The following EPB41 variants were observed in gnomAD, a reference collection of about 807,000 sequenced individuals.
EPB41 encodes the protein protein 4.1.
Under a neutral mutation model 108.0 loss-of-function variants are expected in EPB41, and 65 were observed. That is an observed-to-expected ratio of 0.60 (90% CI 0.49 to 0.74). The LOEUF (loss-of-function observed/expected upper bound fraction) is 0.74. Among genes scored for constraint, EPB41 ranks in the 30% least tolerant of loss-of-function variants. The probability of loss-of-function intolerance (pLI) is 0.00; values close to 1 mark genes in which losing one functional copy is unlikely to be tolerated. For synonymous variants in EPB41, 336 were observed against 358.9 expected, an observed-to-expected ratio of 0.94 and a Z score of 0.72; for missense variants, 875 against 1,037.0, an observed-to-expected ratio of 0.84 and a Z score of 2.15.
intron 7 of EPB41, among the ~76,000 whole-genome samples, chr1:29,029,041 C>CAAAAAAAA (rs34636821): frequency 8.1e-6 from 1 of 123,686 alleles, no homozygotes; most frequent in Non-Finnish European, 1.7e-5. Context: ...GACCCTGTCT[C>CAAAAAAAA]AAAAAAAAAA....
intron 16 of EPB41, among the ~76,000 whole-genome samples, chr1:29,079,035 G>A (rs141448627): frequency 4.0e-5 from 6 of 148,796 alleles, no homozygotes; most frequent in African/African-American, 1.2e-4. Flanking sequence ...CGCTCTTGTT[G>A]CCCAGGCTGG....
intron 12 of EPB41, among the ~76,000 whole-genome samples, chr1:29,056,938 A>G (rs1364590444): frequency 6.6e-6 from 1 of 152,228 alleles, no homozygotes; most frequent in East Asian, 1.9e-4. Context: ...TAAGCTTTGT[A>G]AAATAATTTA....
intron 1 of EPB41, among the ~76,000 whole-genome samples, chr1:28,960,008 T>C (rs979677722): frequency 2.0e-5 from 3 of 148,974 alleles, no homozygotes; most frequent in African/African-American, 7.4e-5. Context: ...TTTCTTTTTT[T>C]TTTTTTTTTG....
intron 1 of EPB41, among the ~76,000 whole-genome samples, chr1:28,923,110 TC>T (rs148983190): frequency 0.11 from 8,860 of 78,112 alleles, 575 homozygotes; most frequent in East Asian, 0.42. Flanking sequence ...TCTTTTCTTT[TC>T]TTTTTTTTTT....
At chr1:29,094,032 A>G (rs781127192) in intron 16 of EPB41, among the ~76,000 whole-genome samples, 4 of 152,162 alleles carry the variant, frequency 2.6e-5, no homozygotes, top group Non-Finnish European at 4.4e-5. Flanking sequence ...ACTTTTGTAT[A>G]TGGTATAAGG....
At chr1:29,012,144 G>A (rs1283310847) in intron 5 of EPB41, among the ~76,000 whole-genome samples, 2 of 151,838 alleles carry the variant, frequency 1.3e-5, no homozygotes, top group Non-Finnish European at 1.5e-5. Flanking sequence ...TTACAACTGG[G>A]CAAAGTTGGG....
At chr1:28,968,685 C>T (rs1475788510) in intron 1 of EPB41, among the ~76,000 whole-genome samples, 3 of 151,954 alleles carry the variant, frequency 2.0e-5, no homozygotes, top group East Asian at 1.9e-4. Context: ...TAAATGAGGC[C>T]GGGCGCAGTG....
At chr1:28,942,777 A>G (rs2094342230) in intron 1 of EPB41, among the ~76,000 whole-genome samples, 2 of 152,122 alleles carry the variant, frequency 1.3e-5, no homozygotes, top group Non-Finnish European at 2.9e-5. Flanking sequence ...CTCTAATCAC[A>G]TGGTTGGTTC....
chr1:29,030,339 T>G (rs1307861391), intron 7 of EPB41, 61 bp from the exon 8 acceptor site: 1 of 1,242,006 alleles, frequency 8.1e-7, no homozygotes, highest in African/African-American at 1.5e-5. Context: ...AATATATAAA[T>G]GTTACTGTAA....
chr1:29,054,474 G>A (rs529654588), intron 12 of EPB41: 1 of 148,686 alleles, frequency 6.7e-6, no homozygotes, highest in East Asian at 2.0e-4. Flanking sequence ...TTCTTTTGGA[G>A]CCAGATCAAT....
intron 19 of EPB41, among the ~76,000 whole-genome samples, chr1:29,113,809 G>A (rs1003922608): frequency 6.6e-6 from 1 of 152,196 alleles, no homozygotes; most frequent in Non-Finnish European, 1.5e-5. Context: ...AGGTTTTCTA[G>A]TTACTGAGAG....
At chr1:29,101,072 A>G (rs1426319695) in intron 17 of EPB41, among the ~76,000 whole-genome samples, 1 of 152,100 alleles carries the variant, frequency 6.6e-6, no homozygotes, top group Non-Finnish European at 1.5e-5. Flanking sequence ...TAAAAATACA[A>G]AATTAGCCGG....
chr1:29,076,460 G>C (rs1397094645), intron 16 of EPB41, among the ~76,000 whole-genome samples: 1 of 152,148 alleles, frequency 6.6e-6, no homozygotes, highest in Non-Finnish European at 1.5e-5. Context: ...CCCAGAATCT[G>C]TTGATAAGAT....
intron 16 of EPB41, among the ~76,000 whole-genome samples, chr1:29,093,516 T>C (rs1662065621): frequency 6.6e-6 from 1 of 152,252 alleles, no homozygotes; most frequent in African/African-American, 2.4e-5. Flanking sequence ...ATTGATAGTT[T>C]CTTTCACTGT....
rs368592292 is a variant in EPB41, at chr1:29,053,336, A to G, written c.1845+24A>G. ...AGGTATGTCATCAGTCCAAATACCT[A>G]GCTAACTCACTTTCTGATTTAGAGG... On this transcript the variant is annotated intron_variant, in intron 12 of 20. Coordinates refer to ENST00000343067, the MANE Select transcript of EPB41 (RefSeq NM_001376013.1). 2.1e-4 allele frequency: 346 copies of G among 1,613,516 alleles called. No individual in the cohort carries two copies. The Middle Eastern group carries it at 4.6e-3, about 22-fold the overall frequency.
At chr1:29,013,000 A>G (rs575307187) in intron 5 of EPB41, among the ~76,000 whole-genome samples, 1 of 152,280 alleles carries the variant, frequency 6.6e-6, no homozygotes, top group East Asian at 1.9e-4. Context: ...AGATTCTTTA[A>G]GAGAAAAAGT....
chr1:29,116,520 C>T (rs962472859), intron 20 of EPB41, among the ~76,000 whole-genome samples: 2 of 152,126 alleles, frequency 1.3e-5, no homozygotes, highest in Admixed American at 6.6e-5. Flanking sequence ...AGAGCAGGAT[C>T]AGGCTGTCTG....
chr1:29,062,058 GT>G (rs1311291327), intron 15 of EPB41, among the ~76,000 whole-genome samples: 1 of 152,180 alleles, frequency 6.6e-6, no homozygotes, highest in African/African-American at 2.4e-5. Context: ...GAAATACCAA[GT>G]GCTTTACATA....
At chr1:29,096,434 G>A in intron 16 of EPB41, 1 of 985,912 alleles carries the variant, frequency 1.0e-6, no homozygotes, top group Non-Finnish European at 1.2e-6. Flanking sequence ...ACAGGCCAGT[G>A]CCTTAAAGTT....
Sources: gnomAD v4.1 joint callset for allele counts (sites outside exome capture counted in the v4.1 genomes callset) on GRCh38, gnomAD v4.1.1 for gene constraint, MANE v1.5 for transcripts, NCBI Gene and HGNC (gene_info 2026-07-23, HGNC 2026-07-21) for gene names.